The following PREX1 variants were observed in gnomAD, a reference collection of about 807,000 sequenced individuals.
PREX1 encodes the protein phosphatidylinositol-3,4,5-trisphosphate dependent Rac exchange factor 1, also known as phosphatidylinositol 3,4,5-trisphosphate-dependent Rac exchanger 1 protein.
A neutral mutation model predicts 198.3 loss-of-function variants in PREX1; 41 were observed. That is an observed-to-expected ratio of 0.21 (90% CI 0.16 to 0.27). PREX1 has a LOEUF of 0.27. PREX1 is among the 10% of genes least tolerant of loss of function. The pLI, the probability that PREX1 is intolerant of heterozygous loss-of-function variation, is 1.00. For missense variants in PREX1, 1,620 were observed against 2,200.7 expected (o/e 0.74, Z 5.28); for synonymous variants, 843 against 887.2 (o/e 0.95, Z 0.89).
intron 1 of PREX1, among the ~76,000 whole-genome samples, chr20:48,810,987 G>T (rs2090431523): frequency 6.6e-6 from 1 of 152,142 alleles, no homozygotes; most frequent in Non-Finnish European, 1.5e-5. Flanking sequence ...GTTATGGAGG[G>T]GTGGAGACTG....
chr20:48,829,967 ACT>A (rs748927019), upstream of PREX1, among the ~76,000 whole-genome samples: 2 of 152,066 alleles, frequency 1.3e-5, no homozygotes, highest in African/African-American at 2.4e-5. Flanking sequence ...GAGTCACATA[ACT>A]CTTTGTTGGG....
intron 5 of PREX1, among the ~76,000 whole-genome samples, chr20:48,722,738 C>A (rs2089991612): frequency 6.6e-6 from 1 of 152,176 alleles, no homozygotes; most frequent in Admixed American, 6.5e-5. Flanking sequence ...GTGGCAACTG[C>A]CCCCTGAGAC....
chr20:48,649,205 C>G, intron 25 of PREX1, 95 bp downstream of exon 25: 1 of 1,510,690 alleles, frequency 6.6e-7, no homozygotes, highest in Admixed American at 1.9e-5. Context: ...AGCCCACCCC[C>G]CACTACAAAG....
intron 37 of PREX1, 122 bp from the exon 38 acceptor site, chr20:48,628,085 C>A: frequency 2.8e-6 from 2 of 711,634 alleles, no homozygotes; most frequent in South Asian, 3.5e-5. Context: ...CGAGGCCTCC[C>A]AGACCCAATC....
chr20:48,707,552 G>A lies in PREX1; in HGVS notation c.783+708C>T, dbSNP rs147945798. ...AAAGGGCCTACGGCATATGATTCAC[G>A]TAACAATCTCTGCCCAAGAGACTTT... is the stretch of plus-strand genomic sequence containing the variant. On this transcript the variant is annotated intron_variant, in intron 6 of 39. Coordinates refer to ENST00000371941, the MANE Select transcript of PREX1 (RefSeq NM_020820.4). 3.9e-3 allele frequency among the ~76,000 whole-genome samples: 597 copies of A among 152,272 alleles called. 5 individuals are homozygous for A. The highest frequency in any genetic ancestry group is 0.013 in the African/African-American group (555 of 41,552).
chr20:48,635,203 C>T (rs886787749), intron 32 of PREX1, among the ~76,000 whole-genome samples: 5 of 152,190 alleles, frequency 3.3e-5, no homozygotes, highest in African/African-American at 1.2e-4. Flanking sequence ...CTCTCCCGCT[C>T]ACCCTGGGCC....
At position 48,624,643 on chromosome 20, in the gene PREX1, G is replaced by A. The variant is rs1320579871; in HGVS notation, c.*1242C>T. 2 of 152,324 alleles carry A rather than the reference G, an allele frequency of 1.3e-5. No homozygotes were observed. The highest frequency in any genetic ancestry group is 2.9e-5 in the Non-Finnish European group (2 of 68,110). The allele number at this position is 152,324 out of a possible 1,614,324, so 9.4% of individuals were successfully genotyped here. ...TTTCCCTGAAGGCATACCGAAGCTG[G>A]GGGGACAAACTGCCGAGGGGGCTTG... On this transcript the variant is annotated 3_prime_UTR_variant, in exon 40 of 40. Transcript: ENST00000371941.
chr20:48,697,878 CTG>C (rs900212810), intron 7 of PREX1, among the ~76,000 whole-genome samples: 3 of 152,222 alleles, frequency 2.0e-5, no homozygotes, highest in African/African-American at 7.2e-5. Context: ...CCCAGAAGCA[CTG>C]TGAGTCAGAG....
chr20:48,886,967 AT>A, the PREX1 span, among the ~76,000 whole-genome samples: 2 of 152,180 alleles, frequency 1.3e-5, no homozygotes, highest in Admixed American at 1.3e-4. Flanking sequence ...CCCTTTAGCA[AT>A]ATAGTATCTC....
intron 37 of PREX1, among the ~76,000 whole-genome samples, chr20:48,628,697 G>A (rs966261395): frequency 6.6e-6 from 1 of 152,166 alleles, no homozygotes; most frequent in Non-Finnish European, 1.5e-5. Context: ...CCCTAAAATA[G>A]GCCCCACTAC....
chr20:48,710,929 T>C (rs182008578), intron 5 of PREX1, among the ~76,000 whole-genome samples: 258 of 152,324 alleles, frequency 1.7e-3, no homozygotes, highest in African/African-American at 5.5e-3. Flanking sequence ...CAGACAAGCA[T>C]GCCAAGGCCA....
In PREX1 at chr20:48,650,061, A is replaced by G. The variant is rs2089481047; in HGVS notation, c.2963T>C (p.Val988Ala). ...EVSYPKTTPSVGRSFSIRFGR... is the reference protein window; with the variant it reads ...EVSYPKTTPSAGRSFSIRFGR... ...AAAGCGGATGCTGAAGGACCTGCCC[A>G]CTGAGGGGGTGGTCTTGGGGTAGGA... is the stretch of plus-strand genomic sequence containing the variant. The change falls in exon 24 of 40, where the codon GTG becomes GCG. Residue 988 changes from valine to alanine, a missense_variant. By Grantham distance (64) the Val-to-Ala change is moderately conservative. This residue lies in a region of PREX1 where 514 missense variants were observed against 611.6 expected (regional missense o/e 0.84). Transcript: ENST00000371941. The G allele has an allele frequency of 1.2e-6, 2 of 1,614,230 alleles. No individual in the cohort carries two copies. Among genetic ancestry groups the G allele is most frequent in the South Asian group, 1.1e-5 (1 of 91,084 alleles).
At chr20:48,762,549 G>A (rs1359472640) in intron 1 of PREX1, among the ~76,000 whole-genome samples, 3 of 152,118 alleles carry the variant, frequency 2.0e-5, no homozygotes, top group African/African-American at 7.2e-5. Flanking sequence ...CTAAGAAAAT[G>A]GCCTCTAGAC....
the PREX1 span, among the ~76,000 whole-genome samples, chr20:48,859,252 A>C: frequency 2.6e-5 from 4 of 152,168 alleles, no homozygotes; most frequent in African/African-American, 9.7e-5. Context: ...ACGGAAACAA[A>C]AAGATTCTTA....
intron 15 of PREX1, 118 bp from the exon 16 acceptor site, chr20:48,660,179 A>G: frequency 8.1e-7 from 1 of 1,231,252 alleles, no homozygotes; most frequent in African/African-American, 1.5e-5. Context: ...TTTGGCAAAC[A>G]CTATTCTATT....
At chr20:48,685,180 C>T (rs144747432) in intron 10 of PREX1, among the ~76,000 whole-genome samples, 1,857 of 152,318 alleles carry the variant, frequency 0.012, 14 homozygotes, top group South Asian at 0.02. Flanking sequence ...CCGACTGGCA[C>T]ATAGCAGGGA....
chr20:48,627,782 C>T (rs568226257), intron 38 of PREX1, 79 bp downstream of exon 38: 5 of 1,454,670 alleles, frequency 3.4e-6, no homozygotes, highest in African/African-American at 1.4e-5. Flanking sequence ...GGCTACCAGC[C>T]CCTCATCCCA....
intron 30 of PREX1, among the ~76,000 whole-genome samples, chr20:48,638,736 G>A (rs978069751): frequency 2.0e-5 from 3 of 152,212 alleles, no homozygotes; most frequent in African/African-American, 7.2e-5. Flanking sequence ...CCAGGGCACT[G>A]AGCGCATGAC....
chr20:48,813,646 G>A (rs1045722849), intron 1 of PREX1, among the ~76,000 whole-genome samples: 3 of 152,156 alleles, frequency 2.0e-5, no homozygotes, highest in Non-Finnish European at 4.4e-5. Context: ...TAACGTGTGT[G>A]TGCATGATGG....
Sources: allele counts gnomAD v4.1 joint callset (sites outside exome capture counted in the v4.1 genomes callset), GRCh38; gene constraint gnomAD v4.1.1; regional missense constraint gnomAD v4.1.1; transcripts MANE v1.5; gene names NCBI Gene and HGNC (gene_info 2026-07-23, HGNC 2026-07-21).